MACROD2: variants seen among roughly 807,000 people sequenced by gnomAD.
The protein encoded by MACROD2 is ADP-ribose glycohydrolase MACROD2.
A neutral mutation model predicts 70.4 loss-of-function variants in MACROD2; 36 were observed. That is an observed-to-expected ratio of 0.51 (90% CI 0.39 to 0.68). The LOEUF is 0.68. Among genes scored for constraint, MACROD2 ranks in the 30% least tolerant of loss-of-function variants. The pLI, the probability that MACROD2 is intolerant of heterozygous loss-of-function variation, is 0.00. For missense variants in MACROD2, 496 were observed against 538.4 expected (o/e 0.92, Z 0.78); for synonymous variants, 172 against 178.8 (o/e 0.96, Z 0.30).
chr20:15,986,194 T>C (rs1041625821), intron 13 of MACROD2, among the ~76,000 whole-genome samples: 1 of 152,292 alleles, frequency 6.6e-6, no homozygotes, highest in Middle Eastern at 3.4e-3. Context: ...TCAAAACAGG[T>C]ACCGAGTATA....
chr20:15,205,147 C>T (rs960116146), intron 5 of MACROD2, among the ~76,000 whole-genome samples: 6 of 152,128 alleles, frequency 3.9e-5, no homozygotes, highest in African/African-American at 1.4e-4. Flanking sequence ...GATAATTTTA[C>T]AGGCAAGTCT....
rs183941079 is a variant in MACROD2, at chr20:15,321,095, G to T, written c.540+91034G>T. On this transcript the variant is annotated intron_variant, in intron 6 of 17. Coordinates refer to ENST00000684519, the MANE Select transcript of MACROD2 (RefSeq NM_001351661.2). ...AGCTTCTGCAAAGTTGTTTCAAAATGCATGCCATCCTGATGACAGGCCACT... is the reference window on the plus strand; with the variant it reads ...AGCTTCTGCAAAGTTGTTTCAAAATTCATGCCATCCTGATGACAGGCCACT... Among the ~76,000 whole-genome samples the T allele has an allele frequency of 4.8e-5, 5 of 103,970 alleles. No individual in the cohort carries two copies. The East Asian group carries it at 1.3e-3, about 27-fold the overall frequency. 68.2% of individuals were successfully genotyped at this position (103,970 alleles called of 152,430 possible).
intron 3 of MACROD2, among the ~76,000 whole-genome samples, chr20:14,152,591 T>C (rs1426922673): frequency 6.6e-6 from 1 of 152,038 alleles, no homozygotes; most frequent in East Asian, 1.9e-4. Context: ...CATGCCCGGC[T>C]AATTTTTGTA....
intron 12 of MACROD2, among the ~76,000 whole-genome samples, chr20:15,956,497 C>G (rs1253712571): frequency 6.6e-6 from 1 of 152,312 alleles, no homozygotes; most frequent in African/African-American, 2.4e-5. Context: ...GCTGCTCTCT[C>G]TGTAGTGGAA....
intron 5 of MACROD2, among the ~76,000 whole-genome samples, chr20:15,079,382 A>G (rs1217002584): frequency 6.6e-6 from 1 of 151,900 alleles, no homozygotes; most frequent in Non-Finnish European, 1.5e-5. Context: ...TGGTCTACCC[A>G]TCCTCACTCA....
At chr20:14,694,182 A>G (rs1389708782) in intron 5 of MACROD2, among the ~76,000 whole-genome samples, 3 of 152,198 alleles carry the variant, frequency 2.0e-5, no homozygotes, top group Non-Finnish European at 2.9e-5. Flanking sequence ...TACATTTTTG[A>G]AATGTTCTCC....
chr20:15,041,785 C>T (rs573763886), intron 5 of MACROD2, among the ~76,000 whole-genome samples: 1 of 152,232 alleles, frequency 6.6e-6, no homozygotes, highest in South Asian at 2.1e-4. Flanking sequence ...TTACTGTACC[C>T]TTCTTGCCAT....
Position 15,933,282 on chromosome 20 carries a change from A to G in MACROD2, c.782A>G (p.Asn261Ser), listed in dbSNP as rs749174234. The change falls in exon 11 of 18, where the codon AAC becomes AGC. Residue 261 changes from asparagine (N) to serine (S), a missense_variant. By Grantham distance (46) the Asn-to-Ser change is conservative. Transcript: ENST00000684519. ...DVEMKEDSDE[N>S]GPEEKQSVEE... ...TCTGTGGTTTTCTTGAAAGATGAGA[A>G]CGGTCCAGAGGAGAAGCAAAGTGTG... is the stretch of plus-strand genomic sequence containing the variant. The G allele has an allele frequency of 6.2e-7, 1 of 1,613,200 alleles. No homozygotes were observed. Among genetic ancestry groups the G allele is most frequent in the South Asian group, 1.1e-5 (1 of 91,044 alleles).
chr20:14,181,044 G>T (rs1236430480), intron 3 of MACROD2, among the ~76,000 whole-genome samples: 1 of 151,080 alleles, frequency 6.6e-6, no homozygotes, highest in East Asian at 1.9e-4. Context: ...AATTTTGTTA[G>T]TAAGGTTGTT....
intron 3 of MACROD2, among the ~76,000 whole-genome samples, chr20:14,207,242 C>T (rs112537680): frequency 0.031 from 4,656 of 152,112 alleles, 77 homozygotes; most frequent in African/African-American, 0.044. Flanking sequence ...GGATTACAGG[C>T]ACATGCCCCT....
intron 2 of MACROD2, among the ~76,000 whole-genome samples, chr20:14,004,899 T>A (rs150080652): frequency 1.7e-4 from 26 of 152,126 alleles, no homozygotes; most frequent in Non-Finnish European, 2.5e-4. Context: ...AAATTTAATA[T>A]CTTATCATTA....
chr20:14,014,872 C>A (rs1465623691), intron 2 of MACROD2, among the ~76,000 whole-genome samples: 2 of 152,004 alleles, frequency 1.3e-5, no homozygotes, highest in African/African-American at 4.8e-5. Flanking sequence ...GCAATCATGG[C>A]TCACTGGAAC....
chr20:14,533,207 C>T (rs545594825), intron 4 of MACROD2, among the ~76,000 whole-genome samples: 1 of 152,170 alleles, frequency 6.6e-6, no homozygotes, highest in Middle Eastern at 3.2e-3. Context: ...ATCTGCTTTT[C>T]GTTCTTTATT....
At chr20:15,378,757 A>G (rs1215465396) in intron 6 of MACROD2, among the ~76,000 whole-genome samples, 1 of 152,190 alleles carries the variant, frequency 6.6e-6, no homozygotes, top group Non-Finnish European at 1.5e-5. Context: ...GTGCAAATCA[A>G]ACTCAAACAG....
chr20:15,419,295 G>T (rs1437507639), intron 6 of MACROD2, among the ~76,000 whole-genome samples: 2 of 152,172 alleles, frequency 1.3e-5, no homozygotes, highest in Non-Finnish European at 2.9e-5. Context: ...GTAAAGGGCT[G>T]CCCCTGGGGA....
At chr20:15,811,164 G>A (rs1040422281) in intron 8 of MACROD2, among the ~76,000 whole-genome samples, 9 of 152,008 alleles carry the variant, frequency 5.9e-5, no homozygotes, top group African/African-American at 2.2e-4. Flanking sequence ...CACAAAATGG[G>A]AGAAAATTTT....
intron 8 of MACROD2, among the ~76,000 whole-genome samples, chr20:15,638,516 G>A (rs1293317255): frequency 6.6e-6 from 1 of 152,184 alleles, no homozygotes; most frequent in Non-Finnish European, 1.5e-5. Context: ...CATTAGACAA[G>A]ACCAATAGTC....
At chr20:15,765,901 C>T (rs114805703) in intron 8 of MACROD2, among the ~76,000 whole-genome samples, 1,521 of 132,216 alleles carry the variant, frequency 0.012, 16 homozygotes, top group African/African-American at 0.041. Flanking sequence ...AAAATTAATG[C>T]ATATACTTTT....
Position 14,199,376 on chromosome 20 carries a change from G to A in MACROD2, c.271+113648G>A, listed in dbSNP as rs192612328. On this transcript the variant is annotated intron_variant, in intron 3 of 17. Coordinates refer to ENST00000684519, the MANE Select transcript of MACROD2 (RefSeq NM_001351661.2). ...TTGGAATCTGTAAAAAATGTTTCAG[G>A]AAGAAAATCTTTCAGATTAGACAGC... Among the ~76,000 whole-genome samples the A allele has an allele frequency of 3.7e-4, 57 of 152,326 alleles. 1 individual carries two copies. The East Asian group carries it at 0.011, about 28-fold the overall frequency.
Sources: gnomAD v4.1 joint callset for allele counts (sites outside exome capture counted in the v4.1 genomes callset) on GRCh38, gnomAD v4.1.1 for gene constraint, MANE v1.5 for transcripts, NCBI Gene and HGNC (gene_info 2026-07-23, HGNC 2026-07-21) for gene names.